PHYKPL: variants seen among roughly 807,000 people sequenced by gnomAD.
PHYKPL encodes 5-phosphohydroxy-L-lysine phospho-lyase.
Under a neutral mutation model 51.3 loss-of-function variants are expected in PHYKPL, and 42 were observed. The observed-to-expected ratio is 0.82, with a 90% confidence interval of 0.64 to 1.06. The LOEUF (loss-of-function observed/expected upper bound fraction) is 1.06, where lower values mean the gene tolerates loss of function less well. Ranked by LOEUF, PHYKPL falls within the 50% of genes least tolerant of loss-of-function variation. The probability of loss-of-function intolerance (pLI) is 0.00; values close to 1 mark genes in which losing one functional copy is unlikely to be tolerated. For missense variants in PHYKPL, 655 were observed against 586.6 expected (o/e 1.12, Z -1.20); for synonymous variants, 264 against 236.0 (o/e 1.12, Z -1.09).
At chr5:178,210,851 T>A (rs545872303) in intron 12 of PHYKPL, 32 of 565,000 alleles carry the variant, frequency 5.7e-5, no homozygotes, top group Middle Eastern at 9.4e-4. Flanking sequence ...ATGGGCTGAT[T>A]TTTATTACCA....
intron 9 of PHYKPL, 49 bp from the exon 10 acceptor site, chr5:178,214,934 G>C (rs1232539864): frequency 1.3e-6 from 2 of 1,578,672 alleles, no homozygotes; most frequent in African/African-American, 1.4e-5. Context: ...TGAGGGGCCA[G>C]GGTGCTGGCC....
intron 8 of PHYKPL, among the ~76,000 whole-genome samples, chr5:178,221,887 G>A (rs1182764830): frequency 6.6e-6 from 1 of 152,166 alleles, no homozygotes; most frequent in African/African-American, 2.4e-5. Flanking sequence ...CCCTGCAACT[G>A]CTGCCTCAGG....
At chr5:178,232,231 G>A (rs1023873199) in intron 1 of PHYKPL, 13 of 1,259,444 alleles carry the variant, frequency 1.0e-5, no homozygotes, top group Non-Finnish European at 1.3e-5. Flanking sequence ...GTGAGGGCGG[G>A]GCCGTCTCCT....
intron 12 of PHYKPL, chr5:178,209,453 T>G (rs1470516591): frequency 6.2e-7 from 1 of 1,611,016 alleles, no homozygotes; most frequent in Non-Finnish European, 8.5e-7. Flanking sequence ...TGGAGGTGAG[T>G]GGAACGTGGA....
At chr5:178,212,029 G>T in intron 11 of PHYKPL, 59 bp from the exon 12 acceptor site, 1 of 1,577,792 alleles carries the variant, frequency 6.3e-7, no homozygotes, top group Non-Finnish European at 8.7e-7. Context: ...AAGATGCCCT[G>T]TTGACTTCAG....
chr5:178,207,144 T>C, downstream of PHYKPL: 1 of 1,614,026 alleles, frequency 6.2e-7, no homozygotes, highest in Non-Finnish European at 8.5e-7. Flanking sequence ...AAAGACGAGG[T>C]TTTGTGTTTA....
chr5:178,228,741 C>T (rs1762784438), intron 3 of PHYKPL, among the ~76,000 whole-genome samples: 1 of 152,208 alleles, frequency 6.6e-6, no homozygotes, highest in Non-Finnish European at 1.5e-5. Flanking sequence ...ACTGTAATCG[C>T]CTGCCTGTTT....
intron 11 of PHYKPL, 100 bp from the exon 12 acceptor site, chr5:178,212,070 G>T: frequency 7.8e-7 from 1 of 1,289,774 alleles, no homozygotes; most frequent in Non-Finnish European, 1.1e-6. Flanking sequence ...TTAGAGATTG[G>T]GCCCTCTGGC....
intron 6 of PHYKPL, 101 bp downstream of exon 6, chr5:178,224,347 G>A (rs966793546): frequency 3.0e-5 from 38 of 1,269,716 alleles, no homozygotes; most frequent in African/African-American, 4.5e-5. Context: ...GCAGGGCCTC[G>A]TTTGGTTTTC....
At chr5:178,215,084 A>G (rs72817294) in intron 9 of PHYKPL, among the ~76,000 whole-genome samples, 192 bp downstream of exon 9, 35,305 of 152,100 alleles carry the variant, frequency 0.23, 4,848 homozygotes, top group East Asian at 0.36. Context: ...GCTCAGGGGT[A>G]GCTAGGGATC....
chr5:178,229,619 T>C, intron 3 of PHYKPL: 1 of 223,394 alleles, frequency 4.5e-6, no homozygotes, highest in South Asian at 9.4e-5. Flanking sequence ...AATCACTTGA[T>C]GTTTTCCTTC....
intron 1 of PHYKPL, 59 bp from the exon 2 acceptor site, chr5:178,231,582 C>T: frequency 1.9e-6 from 3 of 1,612,902 alleles, no homozygotes; most frequent in Non-Finnish European, 2.5e-6. Context: ...GTGAAGTCTA[C>T]TCATCGCAGA....
rs879638995 is a variant in PHYKPL at position 178,232,679 on chromosome 5, C to A, written c.-129G>T. 2.6e-5 allele frequency: 28 copies of A among 1,070,114 alleles called. No individual in the cohort carries two copies. The Admixed American group carries it at 1.1e-3, about 42-fold the overall frequency. The allele number at this position is 1,070,114 out of a possible 1,614,324, so 66.3% of individuals were successfully genotyped here. On this transcript the variant is annotated 5_prime_UTR_variant, in exon 1 of 13. Coordinates refer to ENST00000308158, the MANE Select transcript of PHYKPL (RefSeq NM_153373.4). ...ATTTGGGGCTCAGGTTCGCACTCGGCCCCGCCCCGAAGCGCCCGCGTTGCG... is the reference window on the plus strand; with the variant it reads ...ATTTGGGGCTCAGGTTCGCACTCGGACCCGCCCCGAAGCGCCCGCGTTGCG...
intron 4 of PHYKPL, chr5:178,224,952 C>T: frequency 5.2e-6 from 3 of 574,048 alleles, no homozygotes; most frequent in Non-Finnish European, 9.3e-6. Flanking sequence ...TTTAATCTCT[C>T]TCGGTTGTTT....
At position 178,224,436 on chromosome 5, in the gene PHYKPL, G is replaced by A. The variant is rs893748896; in HGVS notation, c.618+12C>T. ...ACTGTTGGCTGGATTGGACAGGCGCGGACACGGTTACCTTCCTGCCCTTCT... is the reference window on the plus strand; with the variant it reads ...ACTGTTGGCTGGATTGGACAGGCGCAGACACGGTTACCTTCCTGCCCTTCT... On this transcript the variant is annotated intron_variant, in intron 6 of 12. Transcript: ENST00000308158. 10 of 1,560,316 alleles carry A rather than the reference G, an allele frequency of 6.4e-6. No homozygotes were observed. The highest frequency in any genetic ancestry group is 4.1e-5 in the African/African-American group (3 of 73,932).
At chr5:178,209,687 G>T (rs1757584221) in intron 12 of PHYKPL, among the ~76,000 whole-genome samples, 1 of 152,104 alleles carries the variant, frequency 6.6e-6, no homozygotes, top group Non-Finnish European at 1.5e-5. Flanking sequence ...TTACACTCTG[G>T]GGGAGGGGAT....
chr5:178,218,371 T>C (rs1760394604), intron 8 of PHYKPL, among the ~76,000 whole-genome samples: 1 of 152,122 alleles, frequency 6.6e-6, no homozygotes, highest in Non-Finnish European at 1.5e-5. Flanking sequence ...TTGCAGTGAA[T>C]TGAATGTTTG....
downstream of PHYKPL, among the ~76,000 whole-genome samples, chr5:178,207,517 G>A (rs887333093): frequency 1.3e-5 from 2 of 152,084 alleles, no homozygotes; most frequent in Non-Finnish European, 2.9e-5. Flanking sequence ...AGCTAGAGGT[G>A]ACAGTTCTAG....
Position 178,232,613 on chromosome 5 carries a change from T to C in PHYKPL, c.-63A>G. ...GAGACGTCGCCGCGCGGGCTGGGCC[T>C]CCAAGGCCCCGCTCCGGGCCCCGCC... On this transcript the variant is annotated 5_prime_UTR_variant, in exon 1 of 13. Transcript: ENST00000308158. 8.0e-7 allele frequency: 1 copy of C among 1,244,546 alleles called. No individual in the cohort carries two copies. The highest frequency in any genetic ancestry group is 1.0e-6 in the Non-Finnish European group (1 of 995,030). The allele number at this position is 1,244,546 out of a possible 1,614,324, so 77.1% of individuals were successfully genotyped here. A position where few individuals can be genotyped will look rare whatever the true frequency, so the allele number is the denominator to read the frequency against.
Sources: allele counts gnomAD v4.1 joint callset (sites outside exome capture counted in the v4.1 genomes callset), GRCh38; gene constraint gnomAD v4.1.1; transcripts MANE v1.5; gene names NCBI Gene and HGNC (gene_info 2026-07-23, HGNC 2026-07-21).